RUVBL2: variants seen among roughly 807,000 people sequenced by gnomAD.
RUVBL2 encodes the protein RuvB like AAA ATPase 2, also known as ruvB-like 2.
In RUVBL2, 9 loss-of-function variants were observed where a neutral mutation model predicts 57.9. The observed-to-expected ratio is 0.16, with a 90% CI of 0.09 to 0.27. The LOEUF (loss-of-function observed/expected upper bound fraction) is 0.27. RUVBL2 is among the 10% of genes least tolerant of loss of function. RUVBL2 has a pLI of 1.00. For synonymous variants in RUVBL2, 278 were observed against 264.6 expected, an observed-to-expected ratio of 1.05 and a Z score of -0.49; for missense variants, 456 against 669.6, an observed-to-expected ratio of 0.68 and a Z score of 3.52.
chr19:49,003,234 G>C, intron 2 of RUVBL2, 45 bp from the exon 3 acceptor site: 1 of 1,548,604 alleles, frequency 6.5e-7, no homozygotes, highest in Non-Finnish European at 8.8e-7. Context: ...CACATGTGCA[G>C]CAAGCTGGCT....
chr19:48,998,253 G>C (rs556568567), intron 1 of RUVBL2, among the ~76,000 whole-genome samples: 1 of 152,320 alleles, frequency 6.6e-6, no homozygotes, highest in East Asian at 1.9e-4. Flanking sequence ...TCTGGACTCA[G>C]GGGCCAGCAT....
intron 2 of RUVBL2, 117 bp downstream of exon 2, chr19:48,999,490 C>T: frequency 2.0e-6 from 2 of 1,011,246 alleles, no homozygotes; most frequent in Non-Finnish European, 3.1e-6. Flanking sequence ...CCAACTGTGC[C>T]CCCACTACCA....
chr19:49,014,946 G>T (rs746969841), intron 12 of RUVBL2, 75 bp from the exon 13 acceptor site: 13 of 1,529,358 alleles, frequency 8.5e-6, no homozygotes, highest in African/African-American at 1.4e-5. Flanking sequence ...AGGGCCAGAG[G>T]GTTGCTGTGG....
rs577822996 is a variant in RUVBL2 at position 48,996,621 on chromosome 19, G to A, written c.12+2698G>A. Among the ~76,000 whole-genome samples, 16 of 152,124 alleles carry A rather than the reference G, an allele frequency of 1.1e-4. 1 individual carries two copies. The highest frequency in any genetic ancestry group is 9.8e-4 in the Admixed American group (15 of 15,252). On this transcript the variant is annotated intron_variant, in intron 1 of 14. Transcript: ENST00000595090. ...GCTCGCTACAACCTCCGCCTCCTGG[G>A]TTCAAGCAATTCTCCTGCCTCAGCC...
intron 3 of RUVBL2, 148 bp from the exon 4 acceptor site, chr19:49,004,115 CAAAAAAAAAAAAAA>C: frequency 6.9e-6 from 2 of 290,918 alleles, no homozygotes; most frequent in African/African-American, 5.6e-5. Flanking sequence ...GATCTTGTCT[CAAAAAAAAAAAAAA>C]AAAAAAAAAA....
Position 49,011,087 on chromosome 19 carries a change from C to T in RUVBL2, c.876C>T (p.Ile292=), listed in dbSNP as rs777319408. Residue 292 remains isoleucine, a synonymous_variant, in exon 10 of 15, where the codon ATC becomes ATT. Coordinates refer to ENST00000595090, the MANE Select transcript of RUVBL2 (RefSeq NM_006666.3). This position sits in a 1 kb window ranked among gnomAD's most constrained non-coding sequence, Gnocchi z 4.4. The part of the protein sequence containing the change: ...EWREEGKAEI[I]PGVLFIDEVH... ...GCGAGGAGGGCAAGGCGGAGATCAT[C>T]CCTGGAGTGAGGACCCAGGACATGG... 2 of 1,613,050 alleles carry T rather than the reference C, an allele frequency of 1.2e-6. No homozygotes were observed. The highest frequency in any genetic ancestry group is 1.7e-6 in the Non-Finnish European group (2 of 1,179,814).
rs1390065939 is a variant in RUVBL2 at position 49,011,492 on chromosome 19, T to C, written c.1001+182T>C. ...CTGCTTCCCGAGGAAGCCCAGAGACTGTGTTCTTGCTGCCTTTCTGTCTTG... is the reference window on the plus strand; with the variant it reads ...CTGCTTCCCGAGGAAGCCCAGAGACCGTGTTCTTGCTGCCTTTCTGTCTTG... On this transcript the variant is annotated intron_variant, in intron 11 of 14. Transcript: ENST00000595090. This position sits in a 1 kb window ranked among gnomAD's most constrained non-coding sequence, Gnocchi z 4.4. 6.6e-6 allele frequency among the ~76,000 whole-genome samples: 1 copy of C among 152,184 alleles called. No homozygotes were observed. Among genetic ancestry groups the C allele is most frequent in the Non-Finnish European group, 1.5e-5 (1 of 68,026 alleles).
In RUVBL2 at chr19:49,010,044, A is replaced by G; in HGVS notation, c.641A>G (p.Asp214Gly). 6.3e-7 allele frequency: 1 copy of G among 1,598,484 alleles called. No homozygotes were observed. Among genetic ancestry groups the G allele is most frequent in the Non-Finnish European group, 8.5e-7 (1 of 1,172,378 alleles). The change falls in exon 8 of 15, where the codon GAC becomes GGC. Residue 214 changes from aspartate to glycine, a missense_variant. Physicochemically the swap from Asp to Gly is moderately conservative, Grantham distance 94. Coordinates refer to ENST00000595090, the MANE Select transcript of RUVBL2 (RefSeq NM_006666.3). ...KLGRSFTRAR[D>G]YDAMGSQTKF... ...GGCCGCTCCTTCACACGCGCCCGCG[A>G]CTACGACGCTATGGGCTCCCAGGTG...
At chr19:49,003,189 A>G in intron 2 of RUVBL2, 90 bp from the exon 3 acceptor site, 1 of 581,536 alleles carries the variant, frequency 1.7e-6, no homozygotes, top group East Asian at 4.9e-5. Context: ...CACCCCTTTG[A>G]CAAAGAAGGA....
intron 1 of RUVBL2, among the ~76,000 whole-genome samples, chr19:48,997,349 C>T (rs191403452): frequency 2.6e-5 from 4 of 152,186 alleles, no homozygotes; most frequent in African/African-American, 9.6e-5. Context: ...CCTGGCCGGG[C>T]GCGGTGGCTC....
chr19:49,009,874 C>T lies in RUVBL2; in HGVS notation c.561C>T (p.Val187=), dbSNP rs373676152. ...TTGAGTCCCTGACCAAGGACAAGGT[C>T]CAGGCCGGGTGAGCAGTCAGGGGCC... The part of the protein sequence containing the change: ...KMIESLTKDK[V]QAGDVITIDK... Residue 187 remains valine, a synonymous_variant, in exon 7 of 15, where the codon GTC becomes GTT. Transcript: ENST00000595090. 4.4e-4 allele frequency: 713 copies of T among 1,614,020 alleles called. 8 individuals are homozygous for T. The African/African-American group carries it at 8.6e-3, about 20-fold the overall frequency.
intron 13 of RUVBL2, 41 bp downstream of exon 13, chr19:49,015,191 G>C (rs1212891388): frequency 1.3e-6 from 2 of 1,591,736 alleles, no homozygotes; most frequent in South Asian, 1.1e-5. Context: ...GATGGCGGCA[G>C]TGAGTGACAC....
chr19:48,997,548 G>T (rs2039085670), intron 1 of RUVBL2, among the ~76,000 whole-genome samples: 2 of 150,030 alleles, frequency 1.3e-5, no homozygotes, highest in Admixed American at 6.7e-5. Flanking sequence ...AGAATCACTT[G>T]AACCCAGGAA....
Position 49,010,483 on chromosome 19 carries a change from C to CCAACAAAAAA in RUVBL2, c.664-5_664-4insCAACAAAAAA. 1 of 1,576,000 alleles carries CCAACAAAAAA rather than the reference C, an allele frequency of 6.3e-7. No homozygotes were observed. Among genetic ancestry groups the CCAACAAAAAA allele is most frequent in the Non-Finnish European group, 8.7e-7 (1 of 1,148,126 alleles). On this transcript the variant is annotated splice_polypyrimidine_tract_variant and splice_region_variant and intron_variant, in intron 8 of 14. Coordinates refer to ENST00000595090, the MANE Select transcript of RUVBL2 (RefSeq NM_006666.3). Reference sequence around the variant, plus strand: ...CGCCGTTCTTCCCCCACCCCCGCCCCATAGACCAAGTTCGTGCAGTGCCCA... The same window carrying CCAACAAAAAA: ...CGCCGTTCTTCCCCCACCCCCGCCCCCAACAAAAAAATAGACCAAGTTCGTGCAGTGCCCA...
Position 49,011,029 on chromosome 19 carries a change from G to T in RUVBL2, c.818G>T (p.Arg273Leu). ...GDTGEIKSEVREQINAKVAEW... is the reference protein window; with the variant it reads ...GDTGEIKSEVLEQINAKVAEW... ...ACAGGGGAGATCAAGTCAGAAGTCC[G>T]TGAGCAGATCAATGCCAAGGTGGCT... Residue 273 changes from arginine (R) to leucine (L), a missense_variant, in exon 10 of 15, where the codon CGT becomes CTT. This residue lies in a region of RUVBL2 where 130 missense variants were observed against 243.0 expected (regional missense o/e 0.53). Transcript: ENST00000595090. The surrounding 1 kb of genome is among the most constrained non-coding windows in gnomAD (Gnocchi z 4.4). 4 of 1,613,088 alleles carry T rather than the reference G, an allele frequency of 2.5e-6. No homozygotes were observed. The South Asian group carries it at 3.3e-5, about 13-fold the overall frequency.
At position 49,011,537 on chromosome 19, in the gene RUVBL2, G is replaced by C. The variant is rs780752678; in HGVS notation, c.1001+227G>C. On this transcript the variant is annotated intron_variant, in intron 11 of 14. Transcript: ENST00000595090. The surrounding 1 kb of genome is among the most constrained non-coding windows in gnomAD (Gnocchi z 4.4). The stretch of plus-strand genomic sequence containing the variant: ...GTCTTGCTGCTCCTTTAGCCCCCAA[G>C]GCTGCAGTCTTCAAACTGCGTGCCG... Among the ~76,000 whole-genome samples, 9 of 152,216 alleles carry C rather than the reference G, an allele frequency of 5.9e-5. No individual in the cohort carries two copies. Among genetic ancestry groups the C allele is most frequent in the Non-Finnish European group, 1.3e-4 (9 of 68,038 alleles).
intron 1 of RUVBL2, among the ~76,000 whole-genome samples, chr19:48,997,433 GGC>G (rs2039083554): frequency 6.6e-6 from 1 of 152,054 alleles, no homozygotes; most frequent in Admixed American, 6.6e-5. Flanking sequence ...AGACCAGCCT[GGC>G]CAACATGGTG....
At chr19:49,014,024 C>A (rs1251526494) in intron 11 of RUVBL2, among the ~76,000 whole-genome samples, 3 of 152,248 alleles carry the variant, frequency 2.0e-5, no homozygotes, top group African/African-American at 7.2e-5. Context: ...GAGAGCCTAA[C>A]CCTGTATTCC....
At chr19:48,994,063 G>C (rs1229725236) in intron 1 of RUVBL2, 140 bp downstream of exon 1, 9 of 741,818 alleles carry the variant, frequency 1.2e-5, no homozygotes, top group Admixed American at 5.5e-5. Flanking sequence ...AGAGGAGGAA[G>C]CTCGGCCACC....
Sources: gnomAD v4.1 joint callset for allele counts (sites outside exome capture counted in the v4.1 genomes callset) on GRCh38, gnomAD v4.1.1 for gene constraint, gnomAD v4.1.1 regional missense constraint, Gnocchi (gnomAD v3.1) non-coding constraint, MANE v1.5 for transcripts, NCBI Gene and HGNC (gene_info 2026-07-23, HGNC 2026-07-21) for gene names.